Variants in ACAD10 observed in about 807,000 individuals in gnomAD.
ACAD10 encodes the protein acyl-CoA dehydrogenase family member 10.
Under a neutral mutation model 116.8 loss-of-function variants are expected in ACAD10, and 112 were observed. The ratio of observed to expected loss-of-function variants is 0.96; its 90% CI spans 0.82 to 1.12. The LOEUF (loss-of-function observed/expected upper bound fraction) is 1.12, where lower values mean the gene tolerates loss of function less well. Among genes scored for constraint, ACAD10 ranks in the 50% most tolerant of loss-of-function variants. The pLI is 0.00. For missense variants in ACAD10, 1,259 were observed against 1,350.2 expected (o/e 0.93, Z 1.06); for synonymous variants, 486 against 510.6 (o/e 0.95, Z 0.65).
At chr12:111,694,292 A>G (rs542602760) in intron 2 of ACAD10, among the ~76,000 whole-genome samples, 2 of 152,042 alleles carry the variant, frequency 1.3e-5, no homozygotes, top group South Asian at 4.1e-4. Context: ...CTTCACTCGT[A>G]TCTCTGTCAT....
In ACAD10 at chr12:111,755,643, T is replaced by TG. The variant is rs1328845316; in HGVS notation, c.2962-24dup. ...ACCCAGGCTGCCCTCGGGTCTTTTA[T>TG]GATCGCATCTCCTCCTCCTTACAGG... On this transcript the variant is annotated intron_variant, in intron 19 of 20. Coordinates refer to ENST00000313698, the MANE Select transcript of ACAD10 (RefSeq NM_025247.6). The TG allele has an allele frequency of 2.5e-6, 4 of 1,607,602 alleles. No individual in the cohort carries two copies. In the Admixed American group the frequency reaches 6.7e-5, roughly 27 times the overall value.
intron 9 of ACAD10, among the ~76,000 whole-genome samples, chr12:111,729,372 G>A (rs1351049423): frequency 6.6e-6 from 1 of 152,142 alleles, no homozygotes. Context: ...CAAGTAGCTG[G>A]GATGACAGGC....
chr12:111,692,676 C>G (rs376631587), intron 1 of ACAD10, 21 bp from the exon 2 acceptor site: 7 of 1,601,698 alleles, frequency 4.4e-6, no homozygotes, highest in Non-Finnish European at 6.0e-6. Flanking sequence ...AAGTAACGCC[C>G]TGTGCCTTCT....
At chr12:111,715,469 G>T in intron 6 of ACAD10, 1 of 255,508 alleles carries the variant, frequency 3.9e-6, no homozygotes, top group Non-Finnish European at 7.8e-6. Context: ...AAGATGGGTT[G>T]CCATGGCTGC....
In ACAD10 at chr12:111,705,776, G is replaced by T; in HGVS notation, c.375G>T (p.Leu125=). ...TSVPVDSFFS[L]LTSERVAKQF... is the part of the protein sequence containing the mutation. ...TGCCTGTGGACTCATTTTTCTCTCT[G>T]TTGACCAGTGAGCGAGTGGCAAAGC... Residue 125 remains leucine (L), a synonymous_variant, in exon 4 of 21, where the codon CTG becomes CTT. Transcript: ENST00000313698. The T allele has an allele frequency of 6.2e-7, 1 of 1,614,034 alleles. No homozygotes were observed. Among genetic ancestry groups the T allele is most frequent in the Non-Finnish European group, 8.5e-7 (1 of 1,180,034 alleles).
chr12:111,753,808 G>A lies in ACAD10; in HGVS notation c.2854G>A (p.Glu952Lys), dbSNP rs752968132. 3.1e-6 allele frequency: 5 copies of A among 1,614,026 alleles called. No individual in the cohort carries two copies. The highest frequency in any genetic ancestry group is 3.3e-5 in the Admixed American group (2 of 60,032). ...SRLAFGKPLV[E>K]QGTVLADIAQ... ...CTTGGCTTTTGGGAAGCCCCTGGTGGAGCAGGGCACAGTGCTGGCGGACAT... is the reference window on the plus strand; with the variant it reads ...CTTGGCTTTTGGGAAGCCCCTGGTGAAGCAGGGCACAGTGCTGGCGGACAT... Residue 952 changes from glutamate to lysine, a missense_variant, in exon 19 of 21, where the codon GAG (glutamate) becomes AAG (lysine). Transcript: ENST00000313698.
At position 111,747,382 on chromosome 12, in the gene ACAD10, A is replaced by T; in HGVS notation, c.2482A>T (p.Thr828Ser). The T allele has an allele frequency of 1.9e-6, 3 of 1,614,190 alleles. No homozygotes were observed. Among genetic ancestry groups the T allele is most frequent in the Non-Finnish European group, 2.5e-6 (3 of 1,180,024 alleles). The change falls in exon 16 of 21, where the codon ACA (threonine) becomes TCA (serine). Residue 828 changes from threonine to serine, a missense_variant. By Grantham distance (58) the Thr-to-Ser change is moderately conservative. Transcript: ENST00000313698. ...CATAAACGGTCACAAATGGTGGATC[A>T]CAGGTATTTGGCCTAAAATGCACTT... Reference protein sequence around the residue: ...YVINGHKWWITGILDPRCQLC... With the variant: ...YVINGHKWWISGILDPRCQLC...
In ACAD10 at chr12:111,741,799, T is replaced by G. The variant is rs551835518; in HGVS notation, c.1715-2844T>G. On this transcript the variant is annotated intron_variant, in intron 12 of 20. Transcript: ENST00000313698. ...TCTACAATTAGCTTTAAAATCATTTTTGTTTGAACAGCTGAGATATTTGGT... is the reference window on the plus strand; with the variant it reads ...TCTACAATTAGCTTTAAAATCATTTGTGTTTGAACAGCTGAGATATTTGGT... 7.9e-5 allele frequency among the ~76,000 whole-genome samples: 12 copies of G among 152,388 alleles called. No homozygotes were observed. In the South Asian group the frequency reaches 2.3e-3, roughly 29 times the overall value.
chr12:111,753,770 A>G lies in ACAD10; in HGVS notation c.2818-2A>G. On this transcript the variant is annotated splice_acceptor_variant, in intron 18 of 20. Transcript: ENST00000313698. LOFTEE classifies it high-confidence loss of function. Reference sequence around the variant, plus strand: ...TCAGCCGCACATCTCCTGTGTCGACAGGTGAAGTCCCGCTTGGCTTTTGGG... The same window carrying G: ...TCAGCCGCACATCTCCTGTGTCGACGGGTGAAGTCCCGCTTGGCTTTTGGG... The G allele has an allele frequency of 6.2e-7, 1 of 1,613,874 alleles. No individual in the cohort carries two copies. Among genetic ancestry groups the G allele is most frequent in the Non-Finnish European group, 8.5e-7 (1 of 1,179,990 alleles).
intron 13 of ACAD10, chr12:111,745,374 A>G (rs980984004): frequency 2.6e-6 from 1 of 387,430 alleles, no homozygotes; most frequent in African/African-American, 2.1e-5. Context: ...TCAGCTAATA[A>G]ATCTCTCTCT....
chr12:111,692,031 C>T (rs1463933935), intron 1 of ACAD10, among the ~76,000 whole-genome samples: 3 of 152,086 alleles, frequency 2.0e-5, no homozygotes, highest in African/African-American at 7.2e-5. Context: ...TGCAATGGCA[C>T]GATCTTGGCT....
intron 11 of ACAD10, 55 bp from the exon 12 acceptor site, chr12:111,736,776 C>T (rs1394524819): frequency 6.5e-7 from 1 of 1,549,998 alleles, no homozygotes; most frequent in Non-Finnish European, 8.7e-7. Context: ...ATTTGCCAGC[C>T]ACAGGGGCGT....
intron 12 of ACAD10, 100 bp from the exon 13 acceptor site, chr12:111,744,543 C>A (rs1889833372): frequency 1.4e-6 from 2 of 1,441,352 alleles, no homozygotes; most frequent in African/African-American, 1.4e-5. Context: ...AAGTGCTCAG[C>A]AAATGGCAAT....
intron 12 of ACAD10, among the ~76,000 whole-genome samples, chr12:111,743,582 C>T (rs191268824): frequency 6.9e-4 from 105 of 151,866 alleles, no homozygotes; most frequent in Middle Eastern, 3.4e-3. Flanking sequence ...GTGATCCACC[C>T]GCCTCAGCCT....
chr12:111,734,140 AAGT>A, intron 11 of ACAD10, 72 bp downstream of exon 11: 1 of 1,601,998 alleles, frequency 6.2e-7, no homozygotes, highest in South Asian at 1.1e-5. Context: ...AACTCAGCTG[AAGT>A]AGTCCGTGAT....
chr12:111,721,580 A>G, intron 7 of ACAD10, 91 bp from the exon 8 acceptor site: 2 of 1,286,794 alleles, frequency 1.6e-6, no homozygotes, highest in South Asian at 2.6e-5. Flanking sequence ...AAAACAAAAC[A>G]AACAAACAAA....
intron 19 of ACAD10, among the ~76,000 whole-genome samples, chr12:111,754,694 C>A (rs1007254172): frequency 1.3e-5 from 2 of 152,206 alleles, no homozygotes; most frequent in African/African-American, 2.4e-5. Flanking sequence ...CTGGGTGTCT[C>A]CCTTGAACAC....
intron 17 of ACAD10, 131 bp from the exon 18 acceptor site, chr12:111,749,042 A>G: frequency 1.2e-6 from 2 of 1,613,104 alleles, no homozygotes; most frequent in Non-Finnish European, 1.7e-6. Flanking sequence ...CCCTTTAACC[A>G]TGTCCCAGTA....
chr12:111,690,116 T>A (rs1887993206), intron 1 of ACAD10, among the ~76,000 whole-genome samples: 1 of 152,186 alleles, frequency 6.6e-6, no homozygotes, highest in Non-Finnish European at 1.5e-5. Context: ...TATTCAAGAT[T>A]TACCACTTAA....
Sources: gnomAD v4.1 joint callset for allele counts (sites outside exome capture counted in the v4.1 genomes callset) on GRCh38, gnomAD v4.1.1 for gene constraint, MANE v1.5 for transcripts, NCBI Gene and HGNC (gene_info 2026-07-23, HGNC 2026-07-21) for gene names.